Variants in IQGAP1 observed in about 807,000 individuals in gnomAD.
IQGAP1 encodes the protein IQ motif containing GTPase activating protein 1.
IQGAP1 carries 66 observed loss-of-function variants against 215.6 expected under a neutral mutation model. The ratio of observed to expected loss-of-function variants is 0.31; its 90% CI spans 0.25 to 0.38. The LOEUF (loss-of-function observed/expected upper bound fraction) is 0.38, where lower values mean the gene tolerates loss of function less well. IQGAP1 is among the 10% of genes least tolerant of loss of function. The probability of loss-of-function intolerance (pLI) is 1.00; values close to 1 mark genes in which losing one functional copy is unlikely to be tolerated. For missense variants in IQGAP1, 1,712 were observed against 1,997.1 expected (o/e 0.86, Z 2.72); for synonymous variants, 772 against 728.7 (o/e 1.06, Z -0.96).
intron 31 of IQGAP1, 133 bp downstream of exon 31, chr15:90,486,265 G>A: frequency 3.4e-6 from 2 of 583,516 alleles, no homozygotes. Context: ...ATGTGATCCT[G>A]ATAGTTTCAT....
chr15:90,498,839 C>T (rs11639150), intron 37 of IQGAP1, among the ~76,000 whole-genome samples: 6 of 140,572 alleles, frequency 4.3e-5, no homozygotes, highest in Admixed American at 2.8e-4. Flanking sequence ...GAGACAGTTT[C>T]GCTCTTATTG....
At chr15:90,499,213 G>A (rs762626183) in intron 37 of IQGAP1, among the ~76,000 whole-genome samples, 2 of 152,204 alleles carry the variant, frequency 1.3e-5, no homozygotes, top group African/African-American at 4.8e-5. Context: ...ACTTGTTCAG[G>A]ACAATGGTGA....
chr15:90,483,383 A>G lies in IQGAP1; in HGVS notation c.3578A>G (p.Tyr1193Cys). 6.2e-7 allele frequency: 1 copy of G among 1,613,870 alleles called. No individual in the cohort carries two copies. Among genetic ancestry groups the G allele is most frequent in the South Asian group, 1.1e-5 (1 of 91,078 alleles). ...LLKIIGNLLYYRYMNPAIVAP... is the reference protein window; with the variant it reads ...LLKIIGNLLYCRYMNPAIVAP... ...CAGATTATTGGTAACTTGCTTTATT[A>G]TCGATACATGAATCCAGCCATTGTT... The change falls in exon 29 of 38, where the codon TAT (tyrosine) becomes TGT (cysteine). Residue 1193 changes from tyrosine to cysteine, a missense_variant. Physicochemically the swap from Tyr to Cys is radical, Grantham distance 194 (BLOSUM62 -2). Coordinates refer to ENST00000268182, the MANE Select transcript of IQGAP1 (RefSeq NM_003870.4).
At chr15:90,427,248 AAAG>A (rs1281872745) in intron 3 of IQGAP1, among the ~76,000 whole-genome samples, 2 of 152,066 alleles carry the variant, frequency 1.3e-5, no homozygotes, top group Non-Finnish European at 2.9e-5. Flanking sequence ...TCTCTTAAAA[AAAG>A]AAATGAATTT....
intron 18 of IQGAP1, among the ~76,000 whole-genome samples, chr15:90,469,029 C>T (rs1965870053): frequency 6.6e-6 from 1 of 152,150 alleles, no homozygotes; most frequent in South Asian, 2.1e-4. Flanking sequence ...TCTATGCCCC[C>T]TAGTAGTTTT....
chr15:90,446,016 C>T (rs139025263), intron 9 of IQGAP1, among the ~76,000 whole-genome samples: 213 of 152,200 alleles, frequency 1.4e-3, no homozygotes, highest in African/African-American at 5.0e-3. Flanking sequence ...AGGATAATGA[C>T]CTTCCTAGCA....
intron 23 of IQGAP1, 48 bp downstream of exon 23, chr15:90,474,741 G>A (rs776087103): frequency 7.9e-6 from 11 of 1,391,166 alleles, no homozygotes; most frequent in Non-Finnish European, 1.1e-5. Context: ...ATCCTGCTTT[G>A]TAACCCCTGC....
intron 33 of IQGAP1, among the ~76,000 whole-genome samples, chr15:90,489,865 T>C (rs1212901204): frequency 2.0e-5 from 3 of 152,214 alleles, no homozygotes; most frequent in Admixed American, 1.3e-4. Flanking sequence ...CTCTGTTCTT[T>C]AATTTAATCC....
intron 10 of IQGAP1, 70 bp from the exon 11 acceptor site, chr15:90,449,489 A>T: frequency 7.9e-7 from 1 of 1,262,566 alleles, no homozygotes. Context: ...TGCTTTTGAG[A>T]GATGAGAACC....
At chr15:90,453,930 T>C (rs1444789450) in intron 13 of IQGAP1, among the ~76,000 whole-genome samples, 2 of 152,238 alleles carry the variant, frequency 1.3e-5, no homozygotes, top group Non-Finnish European at 2.9e-5. Context: ...ATACTAAGAT[T>C]GATCCCTGGA....
At chr15:90,404,787 G>A (rs948271746) in intron 2 of IQGAP1, among the ~76,000 whole-genome samples, 1 of 151,946 alleles carries the variant, frequency 6.6e-6, no homozygotes, top group Non-Finnish European at 1.5e-5. Flanking sequence ...TGCCATGTTG[G>A]CCAGGCTGGT....
In IQGAP1 at chr15:90,492,599, C is replaced by T. The variant is rs754463341; in HGVS notation, c.4516C>T (p.Leu1506=). The change falls in exon 35 of 38, where the codon CTG becomes TTG. Residue 1506 remains leucine, a synonymous_variant. Coordinates refer to ENST00000268182, the MANE Select transcript of IQGAP1 (RefSeq NM_003870.4). ...RQRRKAELVK[L]QQTYAALNSK... ...GAGGAGAAAGGCCGAACTAGTGAAA[C>T]TGCAACAGACATACGCTGCTCTGAA... The T allele has an allele frequency of 4.8e-5, 77 of 1,613,530 alleles. No individual in the cohort carries two copies. Among genetic ancestry groups the T allele is most frequent in the Non-Finnish European group, 6.4e-5 (76 of 1,179,854 alleles).
chr15:90,458,247 TTTTA>T (rs147870467), intron 15 of IQGAP1, among the ~76,000 whole-genome samples: 125 of 152,334 alleles, frequency 8.2e-4, no homozygotes, highest in Non-Finnish European at 1.5e-3. Flanking sequence ...CTGTACCACA[TTTTA>T]TTTATTTATT....
intron 1 of IQGAP1, among the ~76,000 whole-genome samples, chr15:90,389,231 A>G (rs1204174906): frequency 6.6e-6 from 1 of 152,164 alleles, no homozygotes; most frequent in African/African-American, 2.4e-5. Context: ...TGTGCAAGCT[A>G]ATGATTATAA....
At chr15:90,474,993 GCTT>G in intron 23 of IQGAP1, 1 of 166,336 alleles carries the variant, frequency 6.0e-6, no homozygotes, top group Non-Finnish European at 1.2e-5. Flanking sequence ...TTGATTTTTG[GCTT>G]TTTTTTTTTT....
At chr15:90,424,998 G>C (rs552014976) in intron 2 of IQGAP1, among the ~76,000 whole-genome samples, 1 of 152,026 alleles carries the variant, frequency 6.6e-6, no homozygotes, top group African/African-American at 2.4e-5. Context: ...ACAGGATTCT[G>C]TGGCTCAGTG....
Position 90,474,078 on chromosome 15 carries a change from C to G in IQGAP1, c.2520C>G (p.Ile840Met). ...TTGTTCCTTAGATAAATGACATTAT[C>G]AAAATCCAGGCTTTTATTCGGGCAA... ...QYFRDHINDI[I>M]KIQAFIRANK... Residue 840 changes from isoleucine to methionine, a missense_variant, in exon 22 of 38, where the codon ATC (isoleucine) becomes ATG (methionine). Transcript: ENST00000268182. 1 of 1,613,276 alleles carries G rather than the reference C, an allele frequency of 6.2e-7. No homozygotes were observed. The highest frequency in any genetic ancestry group is 8.5e-7 in the Non-Finnish European group (1 of 1,179,650).
intron 2 of IQGAP1, among the ~76,000 whole-genome samples, chr15:90,401,593 C>G (rs1345288854): frequency 2.0e-5 from 3 of 152,228 alleles, no homozygotes; most frequent in Non-Finnish European, 2.9e-5. Flanking sequence ...TTTCTACATG[C>G]AAGGCACTGT....
chr15:90,497,166 C>T (rs1966284362), intron 36 of IQGAP1, 66 bp from the exon 37 acceptor site: 2 of 833,972 alleles, frequency 2.4e-6, no homozygotes, highest in African/African-American at 1.7e-5. Context: ...CTCCTTTCCC[C>T]ATTTCACAGA....
Sources: gnomAD v4.1 joint callset for allele counts (sites outside exome capture counted in the v4.1 genomes callset) on GRCh38, gnomAD v4.1.1 for gene constraint, MANE v1.5 for transcripts, NCBI Gene and HGNC (gene_info 2026-07-23, HGNC 2026-07-21) for gene names.